Variants in SND1 observed in about 807,000 individuals in gnomAD.
SND1 encodes the protein staphylococcal nuclease domain-containing protein 1.
A neutral mutation model predicts 121.7 loss-of-function variants in SND1; 38 were observed. That is an observed-to-expected ratio of 0.31 (90% CI 0.24 to 0.41). The LOEUF is 0.41. Among genes scored for constraint, SND1 ranks in the 10% least tolerant of loss-of-function variants. The pLI is 1.00. For synonymous variants in SND1, 401 were observed against 447.4 expected (o/e 0.90, Z 1.31); for missense variants, 868 against 1,184.6 (o/e 0.73, Z 3.92).
At chr7:127,947,957 A>G (rs1237039544) in intron 15 of SND1, among the ~76,000 whole-genome samples, 1 of 152,012 alleles carries the variant, frequency 6.6e-6, no homozygotes, top group Non-Finnish European at 1.5e-5. Context: ...TTTTGCCCCC[A>G]TTGCTATCCA....
At chr7:127,904,861 C>T (rs376692715) in intron 14 of SND1, 42 bp downstream of exon 14, 7 of 1,229,956 alleles carry the variant, frequency 5.7e-6, no homozygotes, top group Non-Finnish European at 8.4e-6. Context: ...CTCAGAGGCT[C>T]AAGAGCGTGT....
At chr7:128,019,402 G>A (rs1260257101) in intron 16 of SND1, among the ~76,000 whole-genome samples, 3 of 152,168 alleles carry the variant, frequency 2.0e-5, no homozygotes, top group Admixed American at 6.5e-5. Flanking sequence ...GGCACAGTTC[G>A]TCTCAACACC....
At chr7:127,875,961 T>C (rs1799681552) in intron 12 of SND1, among the ~76,000 whole-genome samples, 1 of 152,148 alleles carries the variant, frequency 6.6e-6, no homozygotes, top group Non-Finnish European at 1.5e-5. Context: ...GCTTCAGGTT[T>C]CTCATTTGTA....
intron 1 of SND1, among the ~76,000 whole-genome samples, chr7:127,666,409 A>C (rs1795419561): frequency 6.6e-6 from 1 of 152,124 alleles, no homozygotes; most frequent in African/African-American, 2.4e-5. Flanking sequence ...TAAGCTCAGG[A>C]CTCAGATTAT....
intron 11 of SND1, among the ~76,000 whole-genome samples, chr7:127,821,377 T>G (rs1798544387): frequency 6.6e-6 from 1 of 152,244 alleles, no homozygotes; most frequent in Non-Finnish European, 1.5e-5. Context: ...CAGAGTATGT[T>G]GTTTTCCTTG....
At chr7:127,899,919 C>T (rs548968424) in intron 13 of SND1, among the ~76,000 whole-genome samples, 1 of 152,232 alleles carries the variant, frequency 6.6e-6, no homozygotes, top group South Asian at 2.1e-4. Context: ...AGGCTGCTTA[C>T]CAGGAAAGCA....
At chr7:127,703,427 A>T in intron 7 of SND1, 104 bp downstream of exon 7, 1 of 1,362,842 alleles carries the variant, frequency 7.3e-7, no homozygotes, top group Non-Finnish European at 1.0e-6. Context: ...ATCCATTAAG[A>T]TATTGGCCAG....
At chr7:127,653,486 C>T (rs1432876943) in intron 1 of SND1, among the ~76,000 whole-genome samples, 1 of 152,104 alleles carries the variant, frequency 6.6e-6, no homozygotes, top group Non-Finnish European at 1.5e-5. Flanking sequence ...CAAGGCTCCA[C>T]AAGTTTTGCT....
chr7:127,853,477 A>G (rs1799212690), intron 12 of SND1, among the ~76,000 whole-genome samples: 1 of 152,184 alleles, frequency 6.6e-6, no homozygotes, highest in South Asian at 2.1e-4. Flanking sequence ...AAGCTGCAAC[A>G]GTAATTGGAA....
rs923032660 is a variant in SND1 at position 127,686,593 on chromosome 7, T to C, written c.79-20T>C. 8.1e-6 allele frequency: 13 copies of C among 1,609,604 alleles called. No homozygotes were observed. The highest frequency in any genetic ancestry group is 1.1e-5 in the Non-Finnish European group (13 of 1,176,794). Reference sequence around the variant, plus strand: ...TACGGCCTCTGGACCATTCATTTTCTCTTTCTTCCCCCTACGTAGGTCCTC... The same window carrying C: ...TACGGCCTCTGGACCATTCATTTTCCCTTTCTTCCCCCTACGTAGGTCCTC... On this transcript the variant is annotated intron_variant, in intron 1 of 23. Transcript: ENST00000354725.
intron 16 of SND1, among the ~76,000 whole-genome samples, chr7:128,045,300 G>T (rs1792927536): frequency 1.3e-5 from 2 of 152,156 alleles, no homozygotes; most frequent in African/African-American, 4.8e-5. Flanking sequence ...CCCCAGAATA[G>T]AGTTCTAAGC....
At chr7:127,958,101 CAAACT>C (rs1801643739) in intron 15 of SND1, among the ~76,000 whole-genome samples, 3 of 152,312 alleles carry the variant, frequency 2.0e-5, no homozygotes, top group African/African-American at 7.2e-5. Flanking sequence ...GGATACAAAG[CAAACT>C]ATATGAAACA....
At chr7:128,069,075 G>C (rs1033988127) in intron 16 of SND1, among the ~76,000 whole-genome samples, 5 of 152,292 alleles carry the variant, frequency 3.3e-5, no homozygotes, top group African/African-American at 1.2e-4. Context: ...TGAAGAGAAA[G>C]GGATCTGTGC....
At chr7:127,682,438 T>C (rs1795743966) in intron 1 of SND1, among the ~76,000 whole-genome samples, 1 of 152,240 alleles carries the variant, frequency 6.6e-6, no homozygotes, top group Admixed American at 6.5e-5. Context: ...AACTGACTTA[T>C]TGTGACACCT....
At chr7:128,089,043 TGTGTTTTTTTGTTTTTTTG>T (rs1793732005) in intron 21 of SND1, among the ~76,000 whole-genome samples, 1 of 151,928 alleles carries the variant, frequency 6.6e-6, no homozygotes, top group Admixed American at 6.6e-5. Context: ...CTTTCTGGTT[TGTGTTTTTTTGTTTTTTTG>T]GTATTTTTTT....
In SND1 at chr7:128,029,870, A is replaced by T. The variant is rs774369760; in HGVS notation, c.1779+38814A>T. The T allele has an allele frequency of 1.2e-5, 19 of 1,613,386 alleles. No homozygotes were observed. The South Asian group carries it at 2.0e-4, about 17-fold the overall frequency. On this transcript the variant is annotated intron_variant, in intron 16 of 23. Transcript: ENST00000354725. The surrounding 1 kb of genome is among the most constrained non-coding windows in gnomAD (Gnocchi z 4.2). ...CCAGCCCGTCAAAAGCATTCCGCTC[A>T]ATCAGGCTGACCTGTGAGTTCATGA...
intron 15 of SND1, among the ~76,000 whole-genome samples, chr7:127,939,838 C>T (rs1383891351): frequency 3.3e-5 from 5 of 152,126 alleles, no homozygotes; most frequent in African/African-American, 1.2e-4. Context: ...ATGGGTAGGT[C>T]AGTGAGGAGT....
chr7:127,815,283 T>G (rs996095976), intron 11 of SND1, among the ~76,000 whole-genome samples: 2 of 152,150 alleles, frequency 1.3e-5, no homozygotes, highest in Admixed American at 1.3e-4. Flanking sequence ...AATTAAGTGA[T>G]ACTGGATTAT....
At chr7:127,687,065 C>T (rs1795825972) in intron 2 of SND1, 1 of 241,788 alleles carries the variant, frequency 4.1e-6, no homozygotes, top group Non-Finnish European at 7.9e-6. Flanking sequence ...TAGCCTTAAG[C>T]ATTTGAAATC....
Sources: gnomAD v4.1 joint callset for allele counts (sites outside exome capture counted in the v4.1 genomes callset) on GRCh38, gnomAD v4.1.1 for gene constraint, Gnocchi (gnomAD v3.1) non-coding constraint, MANE v1.5 for transcripts, NCBI Gene and HGNC (gene_info 2026-07-23, HGNC 2026-07-21) for gene names.